NTRK1: variants seen among roughly 807,000 people sequenced by gnomAD.
NTRK1 encodes the protein neurotrophic receptor tyrosine kinase 1, also known as high affinity nerve growth factor receptor.
In NTRK1, 62 loss-of-function variants were observed where a neutral mutation model predicts 86.8. That is an observed-to-expected ratio of 0.71 (90% confidence interval 0.58 to 0.88). The LOEUF (loss-of-function observed/expected upper bound fraction) is 0.88, where lower values mean the gene tolerates loss of function less well. NTRK1 is among the 40% of genes least tolerant of loss of function. The pLI is 0.00. For missense variants in NTRK1, 967 were observed against 1,078.4 expected, an observed-to-expected ratio of 0.90 and a Z score of 1.45; for synonymous variants, 469 against 456.6, an observed-to-expected ratio of 1.03 and a Z score of -0.35.
At chr1:156,863,936 C>T (rs980157202) in intron 1 of NTRK1, among the ~76,000 whole-genome samples, 3 of 152,056 alleles carry the variant, frequency 2.0e-5, no homozygotes, top group Non-Finnish European at 2.9e-5. Flanking sequence ...GAGAGATGGA[C>T]GTGAGCTTTG....
chr1:156,830,878 A>G (rs564333915), intron 1 of NTRK1, among the ~76,000 whole-genome samples: 1 of 152,178 alleles, frequency 6.6e-6, no homozygotes, highest in Non-Finnish European at 1.5e-5. Context: ...CTATCAGCAA[A>G]TGGATGTGCC....
Position 156,853,229 on chromosome 1 carries a change from T to G in NTRK1, c.50+11036T>G, listed in dbSNP as rs564537394. Among the ~76,000 whole-genome samples the G allele has an allele frequency of 3.9e-5, 6 of 152,300 alleles. No homozygotes were observed. In the South Asian group the frequency reaches 1.2e-3, roughly 32 times the overall value. On this transcript the variant is annotated intron_variant, in intron 2 of 16. Coordinates refer to the NTRK1 transcript ENST00000392302. Reference sequence around the variant, plus strand: ...CCATTACAGTATTGCCAGCTGACCCTGGATCACTGTGCTGTGGCCACTCTG... The same window carrying G: ...CCATTACAGTATTGCCAGCTGACCCGGGATCACTGTGCTGTGGCCACTCTG...
chr1:156,859,532 A>G (rs1195950946), upstream of NTRK1, among the ~76,000 whole-genome samples: 1 of 152,066 alleles, frequency 6.6e-6, no homozygotes, highest in Non-Finnish European at 1.5e-5. This position sits in a 1 kb window ranked among gnomAD's most constrained non-coding sequence, Gnocchi z 6.2. Context: ...GGCCTCTGGG[A>G]GCCCCTCTCA....
chr1:156,842,017 G>A, intron 1 of NTRK1: 1 of 1,586,408 alleles, frequency 6.3e-7, no homozygotes, highest in Non-Finnish European at 8.6e-7. Context: ...GGTCTCACAG[G>A]CTGTCAGGAC....
intron 4 of NTRK1, among the ~76,000 whole-genome samples, chr1:156,867,770 T>C (rs1367234001): frequency 6.6e-6 from 1 of 151,974 alleles, no homozygotes; most frequent in Admixed American, 6.6e-5. Context: ...GCCTCCTGGG[T>C]TCACGCCATT....
At chr1:156,841,538 T>A (rs1476386245) in intron 1 of NTRK1, 1 of 1,613,940 alleles carries the variant, frequency 6.2e-7, no homozygotes, top group Non-Finnish European at 8.5e-7. Flanking sequence ...CCTGGGGGCA[T>A]GCAGGAGCTC....
At chr1:156,843,283 C>A (rs139605261) in intron 2 of NTRK1, 9 of 1,583,206 alleles carry the variant, frequency 5.7e-6, no homozygotes, top group Non-Finnish European at 6.9e-6. Flanking sequence ...CTCTGCCACA[C>A]CTCACCCCCC....
upstream of NTRK1, chr1:156,858,437 G>A: frequency 1.2e-6 from 1 of 857,794 alleles, no homozygotes; most frequent in East Asian, 2.4e-5. Flanking sequence ...ATGTTCCAGT[G>A]CAGAGTAAGT....
At chr1:156,828,316 T>C (rs1654377070) in intron 1 of NTRK1, among the ~76,000 whole-genome samples, 1 of 152,168 alleles carries the variant, frequency 6.6e-6, no homozygotes, top group Non-Finnish European at 1.5e-5. Flanking sequence ...CACTCTGAGG[T>C]GGTAACCGTG....
Position 156,845,043 on chromosome 1 carries a change from T to C in NTRK1, c.50+2850T>C, listed in dbSNP as rs563376930. Reference sequence around the variant, plus strand: ...TGCACAGGGTCCTTGGGGTCGGTGATGGGGGTAGAAGGTGTGTGTGTGGAT... The same window carrying C: ...TGCACAGGGTCCTTGGGGTCGGTGACGGGGGTAGAAGGTGTGTGTGTGGAT... On this transcript the variant is annotated intron_variant, in intron 2 of 16. Coordinates refer to the NTRK1 transcript ENST00000392302. 4.4e-6 allele frequency: 7 copies of C among 1,577,072 alleles called. No homozygotes were observed. The South Asian group carries it at 6.8e-5, about 15-fold the overall frequency.
chr1:156,881,840 A>G lies in NTRK1; in HGVS notation c.*198A>G. ...AGGTCCCGTCATAGCAATTATATTT[A>G]TTATCCCTTGGCTGTGTCTCTTGCC... On this transcript the variant is annotated 3_prime_UTR_variant, in exon 17 of 17. Coordinates refer to ENST00000524377, the MANE Select transcript of NTRK1 (RefSeq NM_002529.4). The G allele has an allele frequency of 1.7e-6, 1 of 576,432 alleles. No homozygotes were observed. The highest frequency in any genetic ancestry group is 3.0e-6 in the Non-Finnish European group (1 of 335,964). The allele number at this position is 576,432 out of a possible 1,614,324, so 35.7% of individuals were successfully genotyped here. A position where few individuals can be genotyped will look rare whatever the true frequency, so the allele number is the denominator to read the frequency against.
chr1:156,879,020 C>G, intron 14 of NTRK1, 102 bp from the exon 15 acceptor site: 1 of 1,388,676 alleles, frequency 7.2e-7, no homozygotes, highest in East Asian at 2.3e-5. Flanking sequence ...TCCAGGTCCC[C>G]AGTCTCCTCT....
intron 6 of NTRK1, among the ~76,000 whole-genome samples, 191 bp from the exon 7 acceptor site, chr1:156,871,432 T>G (rs554039803): frequency 1.3e-5 from 2 of 152,118 alleles, no homozygotes; most frequent in African/African-American, 2.4e-5. Context: ...ATCCAGGAGA[T>G]AGTCAACGAA....
chr1:156,867,939 C>G (rs1387401836), intron 4 of NTRK1, among the ~76,000 whole-genome samples, 165 bp from the exon 5 acceptor site: 1 of 152,224 alleles, frequency 6.6e-6, no homozygotes, highest in African/African-American at 2.4e-5. Context: ...TCCCAATGGC[C>G]TATTTCTTTG....
rs1647576333 is a variant in NTRK1, at chr1:156,871,832, G to A, written c.850+77G>A. 6.9e-6 allele frequency: 11 copies of A among 1,597,118 alleles called. No homozygotes were observed. The South Asian group carries it at 1.2e-4, about 18-fold the overall frequency. ...CTCAAAAGAGGATGTAGGGTGGGGG[G>A]CTGGAAGAAAGGGTGGGATGTGTGT... On this transcript the variant is annotated intron_variant, in intron 7 of 16. Coordinates refer to ENST00000524377, the MANE Select transcript of NTRK1 (RefSeq NM_002529.4).
rs750531685 is a variant in NTRK1, at chr1:156,845,712, G to A, written c.50+3519G>A. ...CAGCGGGGGCAGAACCTGACCAGGA[G>A]GTGGGTGCTGGCAAGGGCAGCAGTC... is the stretch of plus-strand genomic sequence containing the variant. On this transcript the variant is annotated intron_variant, in intron 2 of 16. Coordinates refer to the NTRK1 transcript ENST00000392302. 1.2e-6 allele frequency: 2 copies of A among 1,613,718 alleles called. No individual in the cohort carries two copies. The highest frequency in any genetic ancestry group is 1.7e-6 in the Non-Finnish European group (2 of 1,179,908).
chr1:156,844,295 G>A (rs997138313), intron 2 of NTRK1: 3 of 1,594,860 alleles, frequency 1.9e-6, no homozygotes, highest in Non-Finnish European at 2.6e-6. Flanking sequence ...CAGTCAGAGG[G>A]CAGCAGAGGG....
At chr1:156,846,088 CGTGGA>C in intron 2 of NTRK1, 1 of 1,608,670 alleles carries the variant, frequency 6.2e-7, no homozygotes, top group Non-Finnish European at 8.5e-7. Context: ...AGGAGTTGGA[CGTGGA>C]GATGACGTCT....
At chr1:156,870,888 A>G (rs1428473916) in intron 6 of NTRK1, among the ~76,000 whole-genome samples, 1 of 152,200 alleles carries the variant, frequency 6.6e-6, no homozygotes, top group Non-Finnish European at 1.5e-5. Flanking sequence ...AGGAAGAGAA[A>G]CTTGATCTGA....
Sources: allele counts gnomAD v4.1 joint callset (sites outside exome capture counted in the v4.1 genomes callset), GRCh38; gene constraint gnomAD v4.1.1; non-coding constraint Gnocchi (gnomAD v3.1); transcripts MANE v1.5; gene names NCBI Gene and HGNC (gene_info 2026-07-23, HGNC 2026-07-21).